The following GAS7 variants were observed in gnomAD, a reference collection of about 807,000 sequenced individuals.
GAS7 encodes the protein growth arrest-specific protein 7.
Under a neutral mutation model 71.1 loss-of-function variants are expected in GAS7, and 28 were observed. The ratio of observed to expected loss-of-function variants is 0.39; its 90% CI spans 0.29 to 0.54. The LOEUF is 0.54. Ranked by LOEUF, GAS7 falls within the 20% of genes least tolerant of loss-of-function variation. The pLI is 0.62. For missense variants in GAS7, 436 were observed against 627.8 expected (o/e 0.69, Z 3.27); for synonymous variants, 258 against 245.8 (o/e 1.05, Z -0.46).
At chr17:10,112,606 A>G (rs974392901) in intron 1 of GAS7, among the ~76,000 whole-genome samples, 4 of 152,010 alleles carry the variant, frequency 2.6e-5, no homozygotes, top group African/African-American at 9.7e-5. Context: ...ATGGTGGCAC[A>G]TGCCTGTAAT....
chr17:9,917,464 G>T, intron 13 of GAS7, 123 bp from the exon 14 acceptor site: 1 of 695,874 alleles, frequency 1.4e-6, no homozygotes, highest in Non-Finnish European at 2.5e-6. Flanking sequence ...GGGCTCCGGG[G>T]CCCCAGGGGG....
intron 1 of GAS7, among the ~76,000 whole-genome samples, chr17:10,173,608 A>G (rs1295802213): frequency 6.6e-6 from 1 of 152,210 alleles, no homozygotes; most frequent in East Asian, 1.9e-4. Flanking sequence ...CTCTACTAAA[A>G]ATACAAAAAA....
At chr17:10,038,672 T>A (rs1187223641) in intron 1 of GAS7, among the ~76,000 whole-genome samples, 1 of 151,568 alleles carries the variant, frequency 6.6e-6, no homozygotes, top group East Asian at 1.9e-4. Context: ...AATAGAATAT[T>A]ACTCAGCCTT....
rs533497932 is a variant in GAS7 at position 9,911,061 on chromosome 17, C to T, written c.*6167G>A. 4.7e-5 allele frequency: 11 copies of T among 233,294 alleles called. No individual in the cohort carries two copies. In the Admixed American group the frequency reaches 5.6e-4, roughly 12 times the overall value. 14.5% of individuals were successfully genotyped at this position (233,294 alleles called of 1,614,324 possible). On this transcript the variant is annotated 3_prime_UTR_variant, in exon 14 of 14. Coordinates refer to ENST00000432992, the MANE Select transcript of GAS7 (RefSeq NM_201433.2). The surrounding 1 kb of genome is among the most constrained non-coding windows in gnomAD (Gnocchi z 4.0). ...TGAAGGGGTTGCTTCCGGTCATCTC[C>T]TTCCTAACGGAAGGGAAGGGATGCT... is the stretch of plus-strand genomic sequence containing the variant.
chr17:10,175,562 C>T (rs2074368110), intron 1 of GAS7, among the ~76,000 whole-genome samples: 1 of 151,894 alleles, frequency 6.6e-6, no homozygotes. Flanking sequence ...ACCAGTCATA[C>T]AGGATGAGGG....
rs892808726 is a variant in GAS7 at position 10,026,164 on chromosome 17, G to T, written c.184-6267C>A. ...CTGACTCTTACCTTATCCTAAAGCC[G>T]TGAGCAAACGCTACTCGCTGGTGTT... On this transcript the variant is annotated intron_variant, in intron 1 of 13. Coordinates refer to ENST00000432992, the MANE Select transcript of GAS7 (RefSeq NM_201433.2). The surrounding 1 kb of genome is among the most constrained non-coding windows in gnomAD (Gnocchi z 4.5). 5.1e-6 allele frequency: 5 copies of T among 985,152 alleles called. No homozygotes were observed. In the East Asian group the frequency reaches 4.5e-4, roughly 89 times the overall value. The allele number at this position is 985,152 out of a possible 1,614,324, so 61.0% of individuals were successfully genotyped here. A position where few individuals can be genotyped will look rare whatever the true frequency, so the allele number is the denominator to read the frequency against.
chr17:10,131,883 T>C (rs1236857671), intron 1 of GAS7, among the ~76,000 whole-genome samples: 3 of 152,046 alleles, frequency 2.0e-5, no homozygotes, highest in African/African-American at 2.4e-5. Flanking sequence ...AATGTGCTCA[T>C]GAATGCATGA....
chr17:10,023,739 T>C (rs1438513559), intron 1 of GAS7, among the ~76,000 whole-genome samples: 1 of 152,210 alleles, frequency 6.6e-6, no homozygotes, highest in Non-Finnish European at 1.5e-5. Flanking sequence ...GTTCCGGAAC[T>C]GGATCGTGGT....
intron 9 of GAS7, among the ~76,000 whole-genome samples, chr17:9,932,722 T>TA (rs890129667): frequency 6.6e-6 from 1 of 152,052 alleles, no homozygotes; most frequent in Non-Finnish European, 1.5e-5. Flanking sequence ...GGGGTGGAGA[T>TA]AGTCAGAGGG....
chr17:9,946,916 C>A lies in GAS7; in HGVS notation c.593G>T (p.Trp198Leu). The A allele has an allele frequency of 6.2e-7, 1 of 1,612,438 alleles. No individual in the cohort carries two copies. Among genetic ancestry groups the A allele is most frequent in the Non-Finnish European group, 8.5e-7 (1 of 1,178,522 alleles). ...TACCCAGAAGTAGTCGCAGTAGCTC[C>A]ACTCGGTTGGTTTCAGCAGCTGCTG... is the stretch of plus-strand genomic sequence containing the variant. ...PEQQLLKPTEWSYCDYFWADK... is the reference protein window; with the variant it reads ...PEQQLLKPTELSYCDYFWADK... Residue 198 changes from tryptophan to leucine, a missense_variant, in exon 6 of 14, where the codon TGG becomes TTG. Transcript: ENST00000432992.
intron 1 of GAS7, among the ~76,000 whole-genome samples, chr17:10,173,023 C>T (rs142699067): frequency 1.3e-5 from 2 of 152,208 alleles, no homozygotes; most frequent in African/African-American, 2.4e-5. Flanking sequence ...TACTGATACA[C>T]GTCACTACGC....
Position 10,149,057 on chromosome 17 carries a change from T to C in GAS7, c.183+49151A>G, listed in dbSNP as rs1002804628. ...TTGCTGCAAGGCATGTCAGCCTAAA[T>C]AGAAGAGGATCCATTTTTGTTCATT... On this transcript the variant is annotated intron_variant, in intron 1 of 13. Coordinates refer to ENST00000432992, the MANE Select transcript of GAS7 (RefSeq NM_201433.2). Among the ~76,000 whole-genome samples the C allele has an allele frequency of 8.5e-5, 13 of 152,306 alleles. 2 individuals are homozygous for C. Among genetic ancestry groups the C allele is most frequent in the Admixed American group, 6.5e-4 (10 of 15,278 alleles).
intron 1 of GAS7, among the ~76,000 whole-genome samples, chr17:10,120,043 G>C (rs1054916612): frequency 6.6e-6 from 1 of 152,242 alleles, no homozygotes; most frequent in African/African-American, 2.4e-5. Flanking sequence ...CTAGTGAGCA[G>C]AGCACCAAGG....
intron 5 of GAS7, among the ~76,000 whole-genome samples, chr17:9,953,170 A>G (rs1365316519): frequency 2.6e-5 from 4 of 152,044 alleles, no homozygotes; most frequent in Non-Finnish European, 5.9e-5. Context: ...AGCTGTAACA[A>G]AGAATAAGAT....
chr17:10,021,035 C>T (rs2072247029), intron 1 of GAS7, among the ~76,000 whole-genome samples: 1 of 152,124 alleles, frequency 6.6e-6, no homozygotes, highest in African/African-American at 2.4e-5. Context: ...AAATTTTCTC[C>T]CATAAACACA....
chr17:9,920,851 A>T (rs1032762320), intron 11 of GAS7, among the ~76,000 whole-genome samples: 21 of 152,236 alleles, frequency 1.4e-4, no homozygotes, highest in African/African-American at 4.8e-4. Flanking sequence ...ATGCTAGAGT[A>T]GAATTTAGTA....
chr17:10,025,544 C>T (rs965388435), intron 1 of GAS7, among the ~76,000 whole-genome samples: 5 of 151,700 alleles, frequency 3.3e-5, no homozygotes, highest in Non-Finnish European at 7.4e-5. Context: ...ACGCAACCCC[C>T]AAAATTTTCC....
chr17:9,937,434 T>TG (rs1328499082), intron 8 of GAS7, among the ~76,000 whole-genome samples: 1 of 152,256 alleles, frequency 6.6e-6, no homozygotes, highest in Non-Finnish European at 1.5e-5. Context: ...GAAAGCCCCT[T>TG]GCCAGGCAGC....
At chr17:10,096,919 C>T (rs1029081175) in intron 1 of GAS7, among the ~76,000 whole-genome samples, 3 of 152,244 alleles carry the variant, frequency 2.0e-5, no homozygotes, top group Non-Finnish European at 2.9e-5. Flanking sequence ...GGGTCCCATC[C>T]GAGGCTGCAA....
Sources: allele counts gnomAD v4.1 joint callset (sites outside exome capture counted in the v4.1 genomes callset), GRCh38; gene constraint gnomAD v4.1.1; non-coding constraint Gnocchi (gnomAD v3.1); transcripts MANE v1.5; gene names NCBI Gene and HGNC (gene_info 2026-07-23, HGNC 2026-07-21).